CDC42BPB: variants seen among roughly 807,000 people sequenced by gnomAD.
The protein encoded by CDC42BPB is CDC42 binding protein kinase beta.
CDC42BPB carries 37 observed loss-of-function variants against 214.9 expected under a neutral mutation model. The ratio of observed to expected loss-of-function variants is 0.17; its 90% CI spans 0.13 to 0.23. The LOEUF is 0.23. Ranked by LOEUF, CDC42BPB falls within the 10% of genes least tolerant of loss-of-function variation. The pLI is 1.00. For missense variants in CDC42BPB, 1,694 were observed against 2,227.0 expected, an observed-to-expected ratio of 0.76 and a Z score of 4.82; for synonymous variants, 931 against 884.0, an observed-to-expected ratio of 1.05 and a Z score of -0.94.
chr14:102,946,722 C>G (rs776668557), intron 27 of CDC42BPB, 38 bp from the exon 28 acceptor site: 13 of 1,607,522 alleles, frequency 8.1e-6, no homozygotes, highest in South Asian at 1.1e-5. Context: ...GAGAAGTCAT[C>G]AAACGCCAAA....
intron 23 of CDC42BPB, 114 bp downstream of exon 23, chr14:102,954,083 AT>A (rs1892609765): frequency 2.6e-6 from 2 of 759,962 alleles, no homozygotes; most frequent in Non-Finnish European, 4.5e-6. Flanking sequence ...TACTGTGTGT[AT>A]GCAAAAATGA....
At chr14:103,038,720 G>A (rs8008394) in intron 1 of CDC42BPB, among the ~76,000 whole-genome samples, 2 of 113,690 alleles carry the variant, frequency 1.8e-5, no homozygotes, top group African/African-American at 3.5e-5. Flanking sequence ...AGAGACGGGG[G>A]GGGGGGGCGG....
rs1386056342 is a variant in CDC42BPB, at chr14:102,932,839, A to ACTAATCAC, written c.*865_*872dup. Reference sequence around the variant, plus strand: ...GTGGGTCTACGTGATCATACGGGCTACTAATCACGGGGGCTCCATGCGGGG... The same window carrying ACTAATCAC: ...GTGGGTCTACGTGATCATACGGGCTACTAATCACCTAATCACGGGGGCTCCATGCGGGG... On this transcript the variant is annotated 3_prime_UTR_variant, in exon 37 of 37. Coordinates refer to ENST00000361246, the MANE Select transcript of CDC42BPB (RefSeq NM_006035.4). 7.5e-6 allele frequency: 1 copy of ACTAATCAC among 133,870 alleles called. No homozygotes were observed. The highest frequency in any genetic ancestry group is 2.8e-5 in the African/African-American group (1 of 36,114). 8.3% of individuals were successfully genotyped at this position (133,870 alleles called of 1,614,324 possible).
chr14:102,988,013 A>G (rs1451629379), intron 5 of CDC42BPB, among the ~76,000 whole-genome samples: 1 of 152,114 alleles, frequency 6.6e-6, no homozygotes, highest in African/African-American at 2.4e-5. Flanking sequence ...ACACACACGC[A>G]CGCACTAGAC....
intron 1 of CDC42BPB, among the ~76,000 whole-genome samples, chr14:103,043,001 AC>A (rs1888093745): frequency 7.7e-6 from 1 of 129,902 alleles, no homozygotes; most frequent in Non-Finnish European, 1.9e-5. Flanking sequence ...TTAAAAATAA[AC>A]AAAAGGTACT....
In CDC42BPB at chr14:103,050,789, C is replaced by T. The variant is rs114669084; in HGVS notation, c.175+6210G>A. Among the ~76,000 whole-genome samples, 719 of 151,992 alleles carry T rather than the reference C, an allele frequency of 4.7e-3. 6 individuals are homozygous for T. Among genetic ancestry groups the T allele is most frequent in the African/African-American group, 0.017 (694 of 41,458 alleles). On this transcript the variant is annotated intron_variant, in intron 1 of 36. Coordinates refer to ENST00000361246, the MANE Select transcript of CDC42BPB (RefSeq NM_006035.4). Reference sequence around the variant, plus strand: ...AAAAAAAAAATTCTTAACAGTTTTCCAACCTATGACTCTGCAATTTTGGAG... The same window carrying T: ...AAAAAAAAAATTCTTAACAGTTTTCTAACCTATGACTCTGCAATTTTGGAG...
intron 24 of CDC42BPB, among the ~76,000 whole-genome samples, chr14:102,950,932 C>T (rs1892462876): frequency 6.6e-6 from 1 of 152,176 alleles, no homozygotes; most frequent in Admixed American, 6.5e-5. Flanking sequence ...CACTATTGCA[C>T]TCCAGCCTGG....
intron 1 of CDC42BPB, among the ~76,000 whole-genome samples, chr14:103,039,887 C>A (rs1887890380): frequency 6.6e-6 from 1 of 151,970 alleles, no homozygotes; most frequent in African/African-American, 2.4e-5. Context: ...TGTAAAAATT[C>A]TAATGAATTC....
chr14:103,039,527 C>T (rs1042381074), intron 1 of CDC42BPB, among the ~76,000 whole-genome samples: 2 of 152,102 alleles, frequency 1.3e-5, no homozygotes, highest in African/African-American at 4.8e-5. Context: ...ACGAGCCACA[C>T]AACTATCTCA....
intron 1 of CDC42BPB, among the ~76,000 whole-genome samples, chr14:103,013,974 G>A (rs1399283758): frequency 6.6e-6 from 1 of 152,098 alleles, no homozygotes; most frequent in Non-Finnish European, 1.5e-5. Context: ...GACCATCCTG[G>A]CTAACACGGT....
chr14:102,988,365 A>C (rs926363950), intron 5 of CDC42BPB, among the ~76,000 whole-genome samples: 1 of 152,040 alleles, frequency 6.6e-6, no homozygotes, highest in Non-Finnish European at 1.5e-5. Flanking sequence ...AAAAAAAAAA[A>C]AAAAATACCT....
chr14:102,939,683 T>C lies in CDC42BPB; in HGVS notation c.4754A>G (p.Asn1585Ser), dbSNP rs978643502. The C allele has an allele frequency of 3.1e-6, 5 of 1,614,014 alleles. No individual in the cohort carries two copies. The highest frequency in any genetic ancestry group is 2.7e-5 in the African/African-American group (2 of 74,932). The change falls in exon 34 of 37, where the codon AAC becomes AGC. Residue 1585 changes from asparagine to serine, a missense_variant. Physicochemically the swap from Asn to Ser is conservative, Grantham distance 46. This residue lies in a region of CDC42BPB where 567 missense variants were observed against 790.3 expected (regional missense o/e 0.72). Transcript: ENST00000361246. The part of the protein sequence containing the change: ...DPELRSKMIS[N>S]PTNFNHVAHM... ...GGCCACGTGGTTGAAGTTGGTTGGG[T>C]TGGATATCATTTTGGATCTCAATTC...
Position 102,998,337 on chromosome 14 carries a change from G to A in CDC42BPB, c.596+1228C>T, listed in dbSNP as rs528106107. Among the ~76,000 whole-genome samples, 347 of 152,282 alleles carry A rather than the reference G, an allele frequency of 2.3e-3. 3 individuals carry two copies. The highest frequency in any genetic ancestry group is 8.2e-3 in the African/African-American group (340 of 41,554). ...TGACTTAAGACACATGAAGGCAGAT[G>A]CTGGAAAAATAATTTTACAAATTTA... On this transcript the variant is annotated intron_variant, in intron 5 of 36. Coordinates refer to ENST00000361246, the MANE Select transcript of CDC42BPB (RefSeq NM_006035.4).
At chr14:102,953,596 TG>T (rs1279375246) in intron 23 of CDC42BPB, among the ~76,000 whole-genome samples, 2 of 152,164 alleles carry the variant, frequency 1.3e-5, no homozygotes, top group Non-Finnish European at 2.9e-5. Context: ...TCGCAATGCT[TG>T]GAACTCAGGG....
At chr14:103,051,498 G>A (rs1233779991) in intron 1 of CDC42BPB, among the ~76,000 whole-genome samples, 1 of 147,966 alleles carries the variant, frequency 6.8e-6, no homozygotes, top group Non-Finnish European at 1.5e-5. Context: ...ATTTAATATA[G>A]TTTGGAATTA....
Position 102,943,958 on chromosome 14 carries a change from G to A in CDC42BPB, c.4341C>T (p.Tyr1447=), listed in dbSNP as rs754913461. The stretch of plus-strand genomic sequence containing the variant: ...GTGCCCTCCGGCCTTGCGGGTCCAC[G>A]TACAGTCCCATGTGGCTGAAGCAAA... The part of the protein sequence containing the change: ...YLLCFSHMGL[Y]VDPQGRRARA... The change falls in exon 30 of 37, where the codon TAC becomes TAT. Residue 1447 remains tyrosine, a synonymous_variant. Transcript: ENST00000361246. The surrounding 1 kb of genome is among the most constrained non-coding windows in gnomAD (Gnocchi z 4.6). 3.3e-5 allele frequency: 53 copies of A among 1,612,778 alleles called. No homozygotes were observed. Among genetic ancestry groups the A allele is most frequent in the East Asian group, 2.2e-5 (1 of 44,892 alleles).
chr14:103,035,367 T>C (rs1887608609), intron 1 of CDC42BPB, among the ~76,000 whole-genome samples: 1 of 152,146 alleles, frequency 6.6e-6, no homozygotes, highest in Non-Finnish European at 1.5e-5. Context: ...CAAGTGGTTT[T>C]ATAAATGCAT....
intron 8 of CDC42BPB, among the ~76,000 whole-genome samples, chr14:102,978,988 C>G (rs1325529016): frequency 2.6e-5 from 4 of 152,110 alleles, no homozygotes; most frequent in African/African-American, 9.7e-5. Context: ...GCCTGGGTGA[C>G]AGAAGGAGAT....
intron 11 of CDC42BPB, 61 bp downstream of exon 11, chr14:102,975,623 C>T: frequency 2.6e-6 from 4 of 1,509,458 alleles, no homozygotes; most frequent in African/African-American, 1.4e-5. Context: ...CTCTGAAATT[C>T]CCTTTTAAGA....
Sources: gnomAD v4.1 joint callset for allele counts (sites outside exome capture counted in the v4.1 genomes callset) on GRCh38, gnomAD v4.1.1 for gene constraint, gnomAD v4.1.1 regional missense constraint, Gnocchi (gnomAD v3.1) non-coding constraint, MANE v1.5 for transcripts, NCBI Gene and HGNC (gene_info 2026-07-23, HGNC 2026-07-21) for gene names.